The following ASAP2 variants were observed in gnomAD, a reference collection of about 807,000 sequenced individuals.
ASAP2 encodes the protein ArfGAP with SH3 domain, ankyrin repeat and PH domain 2.
ASAP2 carries 45 observed loss-of-function variants against 131.4 expected under a neutral mutation model. The ratio of observed to expected loss-of-function variants is 0.34; its 90% CI spans 0.27 to 0.44. ASAP2 has a LOEUF of 0.44. Among genes scored for constraint, ASAP2 ranks in the 20% least tolerant of loss-of-function variants. The pLI is 1.00. For synonymous variants in ASAP2, 510 were observed against 503.0 expected, an observed-to-expected ratio of 1.01 and a Z score of -0.19; for missense variants, 1,011 against 1,297.0, an observed-to-expected ratio of 0.78 and a Z score of 3.39.
chr2:9,367,045 T>TGTAGAGATGGAGTCTCAC (rs1673529463), intron 15 of ASAP2, among the ~76,000 whole-genome samples: 1 of 150,244 alleles, frequency 6.7e-6, no homozygotes, highest in Non-Finnish European at 1.5e-5. Flanking sequence ...TTTTTTTTTT[T>TGTAGAGATGGAGTCTCAC]GTAGAGATGG....
At position 9,389,166 on chromosome 2, in the gene ASAP2, A is replaced by G. The variant is rs897525486; in HGVS notation, c.2383+620A>G. Among the ~76,000 whole-genome samples, 2 of 152,178 alleles carry G rather than the reference A, an allele frequency of 1.3e-5. No individual in the cohort carries two copies. The highest frequency in any genetic ancestry group is 4.8e-5 in the African/African-American group (2 of 41,428). On this transcript the variant is annotated intron_variant, in intron 22 of 27. Coordinates refer to ENST00000281419, the MANE Select transcript of ASAP2 (RefSeq NM_003887.3). This position sits in a 1 kb window ranked among gnomAD's most constrained non-coding sequence, Gnocchi z 4.7. ...GAAATACGCAAACCAAAGCTCTCAG[A>G]AGTTAAGTAATTTGTTCATTCCTGA...
intron 1 of ASAP2, among the ~76,000 whole-genome samples, chr2:9,275,793 A>T (rs760434203): frequency 6.6e-6 from 1 of 152,170 alleles, no homozygotes. Flanking sequence ...CTGGGGATAC[A>T]ATGAACAAAT....
Position 9,254,254 on chromosome 2 carries a change from T to TATATATATACACACACAC in ASAP2, c.127-25062_127-25061insTATATATACACACACACA, listed in dbSNP as rs1553297027. The stretch of plus-strand genomic sequence containing the variant: ...AAAAAAAAATATATATATATATATA[T>TATATATATACACACACAC]ACACGTGTGTGTGTATGCATATATA... On this transcript the variant is annotated intron_variant, in intron 1 of 27. Coordinates refer to ENST00000281419, the MANE Select transcript of ASAP2 (RefSeq NM_003887.3). Among the ~76,000 whole-genome samples the TATATATATACACACACAC allele has an allele frequency of 3.0e-4, 20 of 65,740 alleles. 3 individuals carry two copies. The highest frequency in any genetic ancestry group is 5.1e-4 in the Non-Finnish European group (18 of 35,328). 43.1% of individuals were successfully genotyped at this position (65,740 alleles called of 152,430 possible). A position where few individuals can be genotyped will look rare whatever the true frequency, so the allele number is the denominator to read the frequency against.
chr2:9,245,411 T>C (rs138504180), intron 1 of ASAP2, among the ~76,000 whole-genome samples: 1 of 152,344 alleles, frequency 6.6e-6, no homozygotes, highest in East Asian at 1.9e-4. Context: ...CTTGGGGGCA[T>C]TCACTGTGCT....
rs773313524 is a variant in ASAP2 at position 9,318,606 on chromosome 2, A to G, written c.420+8A>G. 6.2e-7 allele frequency: 1 copy of G among 1,601,382 alleles called. No homozygotes were observed. The highest frequency in any genetic ancestry group is 1.1e-5 in the South Asian group (1 of 89,414). ...CTGAAAGGAGTGAAAGGGGTATGAC[A>G]TTGACACTGTGACACCAGGGGCAGC... is the stretch of plus-strand genomic sequence containing the variant. On this transcript the variant is annotated splice_region_variant and intron_variant, in intron 4 of 27. Transcript: ENST00000281419.
intron 1 of ASAP2, among the ~76,000 whole-genome samples, chr2:9,272,115 G>C (rs1666441776): frequency 6.6e-6 from 1 of 152,072 alleles, no homozygotes; most frequent in Non-Finnish European, 1.5e-5. Flanking sequence ...TCTATTTTTA[G>C]TTTTTTGAGG....
chr2:9,257,561 C>A (rs1261150877), intron 1 of ASAP2, among the ~76,000 whole-genome samples: 1 of 152,184 alleles, frequency 6.6e-6, no homozygotes. Context: ...CTCTGTCACT[C>A]AGGCTGGAGT....
chr2:9,402,980 T>TC (rs1317520396), intron 27 of ASAP2, among the ~76,000 whole-genome samples: 5 of 152,186 alleles, frequency 3.3e-5, no homozygotes, highest in African/African-American at 1.2e-4. Context: ...CCTGTGTGCC[T>TC]CCCAAGAACA....
At chr2:9,292,834 C>T (rs990339714) in intron 2 of ASAP2, among the ~76,000 whole-genome samples, 6 of 152,268 alleles carry the variant, frequency 3.9e-5, no homozygotes, top group South Asian at 4.1e-4. Flanking sequence ...TCCCTGTTGC[C>T]GGGCTGGAAA....
chr2:9,241,789 G>A (rs960602261), intron 1 of ASAP2, among the ~76,000 whole-genome samples: 3 of 152,190 alleles, frequency 2.0e-5, no homozygotes, highest in African/African-American at 7.2e-5. Flanking sequence ...GTCAAGGAAA[G>A]CGAGGAGAAG....
intron 9 of ASAP2, among the ~76,000 whole-genome samples, chr2:9,342,656 G>A (rs943396795): frequency 6.6e-5 from 10 of 152,234 alleles, no homozygotes; most frequent in Admixed American, 2.6e-4. Context: ...GTAGGTAAAT[G>A]GGACTTCATT....
At chr2:9,287,052 T>A (rs1330411883) in intron 2 of ASAP2, among the ~76,000 whole-genome samples, 1 of 152,244 alleles carries the variant, frequency 6.6e-6, no homozygotes, top group Non-Finnish European at 1.5e-5. Flanking sequence ...ACAGAGGCAC[T>A]GAGTAGTGAT....
Position 9,283,213 on chromosome 2 carries a change from G to A in ASAP2, c.199+3824G>A, listed in dbSNP as rs569902055. Reference sequence around the variant, plus strand: ...CTGCCTCAGCCTCCCAAGTAGCTGGGATTACAGGTGTCTACCACCACACCC... The same window carrying A: ...CTGCCTCAGCCTCCCAAGTAGCTGGAATTACAGGTGTCTACCACCACACCC... On this transcript the variant is annotated intron_variant, in intron 2 of 27. Transcript: ENST00000281419. Among the ~76,000 whole-genome samples the A allele has an allele frequency of 7.2e-5, 11 of 152,240 alleles. No individual in the cohort carries two copies. In the South Asian group the frequency reaches 2.1e-3, roughly 29 times the overall value.
At chr2:9,365,857 G>A (rs1411817157) in intron 15 of ASAP2, among the ~76,000 whole-genome samples, 1 of 152,206 alleles carries the variant, frequency 6.6e-6, no homozygotes, top group African/African-American at 2.4e-5. Flanking sequence ...GAGGGGCTCA[G>A]AGTGTGCTCC....
chr2:9,239,744 T>C (rs974459754), intron 1 of ASAP2, among the ~76,000 whole-genome samples: 1 of 151,970 alleles, frequency 6.6e-6, no homozygotes, highest in Admixed American at 6.6e-5. Flanking sequence ...TTTTTTTTTG[T>C]TTTAGATGAG....
chr2:9,288,841 G>T (rs1366510026), intron 2 of ASAP2, among the ~76,000 whole-genome samples: 3 of 152,020 alleles, frequency 2.0e-5, no homozygotes, highest in Admixed American at 6.5e-5. Context: ...TGGTCTCAGA[G>T]CACCCCTAGG....
At chr2:9,245,225 CCA>C (rs2148102948) in intron 1 of ASAP2, among the ~76,000 whole-genome samples, 1 of 152,314 alleles carries the variant, frequency 6.6e-6, no homozygotes, top group South Asian at 2.1e-4. Flanking sequence ...GGTTTGAGAA[CCA>C]CAGCTAGCAA....
At chr2:9,324,421 G>T (rs1418357946) in intron 6 of ASAP2, among the ~76,000 whole-genome samples, 1 of 152,098 alleles carries the variant, frequency 6.6e-6, no homozygotes, top group African/African-American at 2.4e-5. Flanking sequence ...CTGAGAATGG[G>T]TAATTTATAA....
chr2:9,382,230 C>G (rs1475668981), intron 20 of ASAP2, among the ~76,000 whole-genome samples: 1 of 152,188 alleles, frequency 6.6e-6, no homozygotes, highest in South Asian at 2.1e-4. Flanking sequence ...GCAATCCACC[C>G]GCCTTGGCCT....
Sources: allele counts gnomAD v4.1 joint callset (sites outside exome capture counted in the v4.1 genomes callset), GRCh38; gene constraint gnomAD v4.1.1; non-coding constraint Gnocchi (gnomAD v3.1); transcripts MANE v1.5; gene names NCBI Gene and HGNC (gene_info 2026-07-23, HGNC 2026-07-21).